The following PCDHA11 variants were observed in gnomAD, a reference collection of about 807,000 sequenced individuals.
PCDHA11 encodes the protein protocadherin alpha 11, also known as protocadherin alpha-11.
In PCDHA11, 61 loss-of-function variants were observed where a neutral mutation model predicts 70.3. That is an observed-to-expected ratio of 0.87 (90% CI 0.71 to 1.07). The LOEUF (loss-of-function observed/expected upper bound fraction) is 1.07, where lower values mean the gene tolerates loss of function less well. Ranked by LOEUF, PCDHA11 falls within the 50% of genes least tolerant of loss-of-function variation. PCDHA11 has a pLI of 0.00. For missense variants in PCDHA11, 1,324 were observed against 1,237.5 expected (o/e 1.07, Z -1.05); for synonymous variants, 633 against 555.1 (o/e 1.14, Z -1.97).
chr5:140,995,899 A>G (rs900121248), intron 3 of PCDHA11, among the ~76,000 whole-genome samples: 2 of 152,226 alleles, frequency 1.3e-5, no homozygotes, highest in Non-Finnish European at 2.9e-5. Context: ...ATCAATGTAT[A>G]AAAGAGGAGA....
At chr5:140,911,716 T>A (rs2075609522) in intron 1 of PCDHA11, among the ~76,000 whole-genome samples, 1 of 151,644 alleles carries the variant, frequency 6.6e-6, no homozygotes, top group Non-Finnish European at 1.5e-5. Context: ...TTTGTGTAAC[T>A]CTGTAAACAG....
chr5:140,980,036 G>A (rs952735379), intron 2 of PCDHA11, among the ~76,000 whole-genome samples: 9 of 152,294 alleles, frequency 5.9e-5, no homozygotes, highest in Non-Finnish European at 1.0e-4. Flanking sequence ...ATTACATTGG[G>A]TGCTATTTCT....
In PCDHA11 at chr5:140,982,326, G is replaced by T. The variant is rs1369721700; in HGVS notation, c.2451-149G>T. 1.6e-5 allele frequency: 22 copies of T among 1,411,958 alleles called. No homozygotes were observed. In the Admixed American group the frequency reaches 3.0e-4, roughly 20 times the overall value. The allele number at this position is 1,411,958 out of a possible 1,614,324, so 87.5% of individuals were successfully genotyped here. On this transcript the variant is annotated intron_variant, in intron 2 of 3. Transcript: ENST00000398640. ...CTTCTGCAGTTTATGCAGGGTGACTGCTCAGCAGTAATTGCTTCAGTTCAA... is the reference window on the plus strand; with the variant it reads ...CTTCTGCAGTTTATGCAGGGTGACTTCTCAGCAGTAATTGCTTCAGTTCAA...
chr5:140,907,997 T>G (rs1352895327), intron 1 of PCDHA11, among the ~76,000 whole-genome samples: 1 of 152,186 alleles, frequency 6.6e-6, no homozygotes, highest in East Asian at 1.9e-4. Flanking sequence ...TCCTTAACCA[T>G]CCAGCCAAAC....
intron 1 of PCDHA11, chr5:140,927,902 C>T (rs782319959): frequency 1.5e-5 from 25 of 1,614,182 alleles, no homozygotes; most frequent in Non-Finnish European, 2.1e-5. Flanking sequence ...AACGATCATG[C>T]CCCCGAACTG....
At position 140,870,607 on chromosome 5, in the gene PCDHA11, G is replaced by T. The variant is rs782060261; in HGVS notation, c.1504G>T (p.Ala502Ser). 15 of 1,613,098 alleles carry T rather than the reference G, an allele frequency of 9.3e-6. No individual in the cohort carries two copies. The Middle Eastern group carries it at 5.1e-4, about 55-fold the overall frequency. ...SLVERRLGDR[A>S]LSSYVSVHAE... ...GGTGGAGCGGCGGTTGGGCGACCGCGCGCTGTCGAGCTACGTGTCGGTGCA... is the reference window on the plus strand; with the variant it reads ...GGTGGAGCGGCGGTTGGGCGACCGCTCGCTGTCGAGCTACGTGTCGGTGCA... The change falls in exon 1 of 4, where the codon GCG (alanine) becomes TCG (serine). Residue 502 changes from alanine to serine, a missense_variant. Physicochemically the swap from Ala to Ser is moderately conservative, Grantham distance 99. Transcript: ENST00000398640.
chr5:140,872,320 A>G (rs1409087290), intron 1 of PCDHA11, among the ~76,000 whole-genome samples: 1 of 152,166 alleles, frequency 6.6e-6, no homozygotes, highest in Admixed American at 6.5e-5. Context: ...TATGGAAATA[A>G]TATGACTAAA....
chr5:140,934,926 G>A lies in PCDHA11; in HGVS notation c.2392-44023G>A, dbSNP rs1054459840. Among the ~76,000 whole-genome samples, 3 of 152,116 alleles carry A rather than the reference G, an allele frequency of 2.0e-5. No homozygotes were observed. In the East Asian group the frequency reaches 5.8e-4, roughly 29 times the overall value. On this transcript the variant is annotated intron_variant, in intron 1 of 3. Transcript: ENST00000398640. ...TGGAATAATTATGGATTCACATAAA[G>A]TTACAAAACTAGTATAGAGAGATCC...
chr5:140,941,214 C>CTTTCTTTCTTTCTTT (rs1554214039), intron 1 of PCDHA11, among the ~76,000 whole-genome samples: 5,375 of 122,186 alleles, frequency 0.044, 196 homozygotes, highest in South Asian at 0.066. Flanking sequence ...TTTCTTTCTT[C>CTTTCTTTCTTTCTTT]CTTTCTTTCT....
chr5:140,943,574 G>C (rs1424164723), intron 1 of PCDHA11, among the ~76,000 whole-genome samples: 1 of 152,154 alleles, frequency 6.6e-6, no homozygotes, highest in African/African-American at 2.4e-5. Context: ...TTAATTTGTT[G>C]ATCTGAGTGG....
intron 1 of PCDHA11, among the ~76,000 whole-genome samples, chr5:140,936,138 C>G (rs1396548448): frequency 6.6e-6 from 1 of 152,074 alleles, no homozygotes; most frequent in African/African-American, 2.4e-5. Context: ...AGTGATCTGC[C>G]CGCCTTGGCC....
At chr5:140,890,829 T>A (rs1477608523) in intron 1 of PCDHA11, among the ~76,000 whole-genome samples, 1 of 152,226 alleles carries the variant, frequency 6.6e-6, no homozygotes, top group Non-Finnish European at 1.5e-5. Context: ...TGTACTTACA[T>A]ATTTACCAGT....
chr5:140,888,647 T>C (rs781796685), intron 1 of PCDHA11, among the ~76,000 whole-genome samples: 2 of 152,244 alleles, frequency 1.3e-5, no homozygotes, highest in African/African-American at 2.4e-5. Context: ...AATACTTTCC[T>C]GAGGACACCA....
chr5:140,870,082 C>A lies in PCDHA11; in HGVS notation c.979C>A (p.Pro327Thr), dbSNP rs1326686779. 1.9e-6 allele frequency: 3 copies of A among 1,613,708 alleles called. No individual in the cohort carries two copies. In the Admixed American group the frequency reaches 5.0e-5, roughly 27 times the overall value. ...IEVQATDKGT[P>T]PMAGHCTVWV... ...AGTACAGGCTACAGATAAGGGGACT[C>A]CCCCAATGGCAGGTCACTGTACAGT... The change falls in exon 1 of 4, where the codon CCC (proline) becomes ACC (threonine). Residue 327 changes from proline to threonine, a missense_variant. Pro to Thr is a conservative substitution (Grantham distance 38, BLOSUM62 -1). Transcript: ENST00000398640.
In PCDHA11 at chr5:140,870,689, T is replaced by G. The variant is rs1349209235; in HGVS notation, c.1586T>G (p.Leu529Arg). 1 of 1,612,838 alleles carries G rather than the reference T, an allele frequency of 6.2e-7. No individual in the cohort carries two copies. ...CCGTTGGACCACGAGGAGCTGGAGC[T>G]GCTACAGTTCCAGGTGAGCGCGCGC... ...LQPLDHEELELLQFQVSARDA... is the reference protein window; with the variant it reads ...LQPLDHEELERLQFQVSARDA... Residue 529 changes from leucine (L) to arginine (R), a missense_variant, in exon 1 of 4, where the codon CTG becomes CGG. Physicochemically the swap from Leu to Arg is moderately radical, Grantham distance 102. Coordinates refer to ENST00000398640, the MANE Select transcript of PCDHA11 (RefSeq NM_018902.5).
intron 3 of PCDHA11, among the ~76,000 whole-genome samples, chr5:140,985,103 A>G (rs1342526252): frequency 6.6e-6 from 1 of 151,694 alleles, no homozygotes; most frequent in African/African-American, 2.4e-5. Context: ...AAGCCTGGCT[A>G]ATTTTTTGTG....
rs75203598 is a variant in PCDHA11, at chr5:140,915,428, C to T, written c.2391+43934C>T. 8.0e-3 allele frequency among the ~76,000 whole-genome samples: 1,217 copies of T among 152,162 alleles called. 6 individuals are homozygous for T. The highest frequency in any genetic ancestry group is 0.019 in the African/African-American group (786 of 41,514). On this transcript the variant is annotated intron_variant, in intron 1 of 3. Transcript: ENST00000398640. The stretch of plus-strand genomic sequence containing the variant: ...TCTTTGCAGTCTGGGCTTGTTTATC[C>T]CTGTCCTTCTTGAGAAGGTTTTCCA...
At chr5:140,925,108 G>GAAGGAA (rs2082318586) in intron 1 of PCDHA11, among the ~76,000 whole-genome samples, 1 of 124,702 alleles carries the variant, frequency 8.0e-6, no homozygotes, top group African/African-American at 3.3e-5. Context: ...GAAGGAAGGA[G>GAAGGAA]GGAAGGAAGG....
At chr5:140,968,446 C>T in intron 1 of PCDHA11, 1 of 1,614,046 alleles carries the variant, frequency 6.2e-7, no homozygotes, top group Non-Finnish European at 8.5e-7. Context: ...CACCACTGAG[C>T]AGCACTGTGA....
Sources: allele counts gnomAD v4.1 joint callset (sites outside exome capture counted in the v4.1 genomes callset), GRCh38; gene constraint gnomAD v4.1.1; transcripts MANE v1.5; gene names NCBI Gene and HGNC (gene_info 2026-07-23, HGNC 2026-07-21).